Variants in UBE2Q1 observed in about 807,000 individuals in gnomAD.
UBE2Q1 encodes ubiquitin conjugating enzyme E2 Q1.
Under a neutral mutation model 60.1 loss-of-function variants are expected in UBE2Q1, and 6 were observed. That is an observed-to-expected ratio of 0.10 (90% CI 0.05 to 0.20). UBE2Q1 has a LOEUF of 0.20. Ranked by LOEUF, UBE2Q1 falls within the 10% of genes least tolerant of loss-of-function variation. The pLI is 1.00. For synonymous variants in UBE2Q1, 226 were observed against 208.3 expected (o/e 1.09, Z -0.73); for missense variants, 262 against 525.8 (o/e 0.50, Z 4.91).
At chr1:154,555,621 C>A in intron 2 of UBE2Q1, 89 bp from the exon 3 acceptor site, 2 of 1,266,790 alleles carry the variant, frequency 1.6e-6, no homozygotes, top group Non-Finnish European at 2.3e-6. Flanking sequence ...GGGCCCCACA[C>A]CAATAACTAG....
At chr1:154,557,044 G>A (rs911834768) in intron 1 of UBE2Q1, among the ~76,000 whole-genome samples, 9 of 152,184 alleles carry the variant, frequency 5.9e-5, no homozygotes, top group African/African-American at 2.2e-4. Flanking sequence ...CTTTCTAGCA[G>A]GAAAAAAGAA....
rs1436891417 is a variant in UBE2Q1, at chr1:154,550,362, G to A, written c.*76C>T. On this transcript the variant is annotated 3_prime_UTR_variant, in exon 13 of 13. Coordinates refer to ENST00000292211, the MANE Select transcript of UBE2Q1 (RefSeq NM_017582.7). ...TGAGGGAGGGAACCACAGAGGCAGC[G>A]TGAGATCCAAATACAGCATTCAAAG... is the stretch of plus-strand genomic sequence containing the variant. 1.4e-5 allele frequency: 23 copies of A among 1,588,456 alleles called. No individual in the cohort carries two copies. The highest frequency in any genetic ancestry group is 9.0e-5 in the East Asian group (4 of 44,682).
In UBE2Q1 at chr1:154,555,408, G is replaced by A. The variant is rs189765058; in HGVS notation, c.537+20C>T. 2.4e-5 allele frequency: 39 copies of A among 1,609,708 alleles called. No individual in the cohort carries two copies. The East Asian group carries it at 6.0e-4, about 25-fold the overall frequency. ...GGGGCAACTCTGCACAACAGGGCCC[G>A]AGGCTCCTCAGCTGCTCACCTGCTC... is the stretch of plus-strand genomic sequence containing the variant. On this transcript the variant is annotated intron_variant, in intron 3 of 12. Coordinates refer to ENST00000292211, the MANE Select transcript of UBE2Q1 (RefSeq NM_017582.7).
At chr1:154,554,889 T>C in intron 3 of UBE2Q1, 104 bp from the exon 4 acceptor site, 1 of 1,163,178 alleles carries the variant, frequency 8.6e-7, no homozygotes, top group Non-Finnish European at 1.2e-6. Context: ...GTTGTGCGCC[T>C]GCCTGTAATG....
chr1:154,556,438 T>C (rs947111015), intron 1 of UBE2Q1, among the ~76,000 whole-genome samples: 7 of 152,092 alleles, frequency 4.6e-5, no homozygotes, highest in African/African-American at 1.4e-4. Context: ...GGAAGAAGTA[T>C]AAAAACTAGA....
chr1:154,555,315 G>A, intron 3 of UBE2Q1, 113 bp downstream of exon 3: 2 of 898,900 alleles, frequency 2.2e-6, no homozygotes, highest in Non-Finnish European at 3.6e-6. Context: ...AGACGTGTAT[G>A]TTTTTGGGAG....
chr1:154,558,160 C>G (rs996993870), intron 1 of UBE2Q1, 67 bp downstream of exon 1: 7 of 1,350,880 alleles, frequency 5.2e-6, no homozygotes, highest in Non-Finnish European at 2.0e-6. Flanking sequence ...GAGCAAAAAG[C>G]TGGATGGAGT....
rs1695936135 is a variant in UBE2Q1 at position 154,558,570 on chromosome 1, C to T, written c.-17G>A. ...CTGCTGCATCCTCCGCTCCGCTCCG[C>T]TCCGGGGCCGGCGGGCCGGGAGCCT... On this transcript the variant is annotated 5_prime_UTR_variant, in exon 1 of 13. Transcript: ENST00000292211. 1 of 1,031,640 alleles carries T rather than the reference C, an allele frequency of 9.7e-7. No individual in the cohort carries two copies. The highest frequency in any genetic ancestry group is 1.2e-6 in the Non-Finnish European group (1 of 864,636). 63.9% of individuals were successfully genotyped at this position (1,031,640 alleles called of 1,614,324 possible). A position where few individuals can be genotyped will look rare whatever the true frequency, so the allele number is the denominator to read the frequency against.
At chr1:154,552,672 C>A in intron 6 of UBE2Q1, 64 bp downstream of exon 6, 2 of 1,573,352 alleles carry the variant, frequency 1.3e-6, no homozygotes, top group Non-Finnish European at 1.7e-6. Context: ...CTCTTGGGCC[C>A]CTTGCCACCA....
Position 154,550,468 on chromosome 1 carries a change from G to C in UBE2Q1, c.1239C>G (p.Gly413=), listed in dbSNP as rs1695774876. The C allele has an allele frequency of 1.2e-6, 2 of 1,613,972 alleles. No homozygotes were observed. Among genetic ancestry groups the C allele is most frequent in the East Asian group, 4.5e-5 (2 of 44,888 alleles). Residue 413 remains glycine, a splice_region_variant and synonymous_variant, in exon 13 of 13, where the codon GGC becomes GGG. Transcript: ENST00000292211. Reference sequence around the variant, plus strand: ...CGTCTTCTTTTGGGGGTGTGTACCAGCCTGCAAAGAAATGGAATGGTCAGT... The same window carrying C: ...CGTCTTCTTTTGGGGGTGTGTACCACCCTGCAAAGAAATGGAATGGTCAGT... ...KSLVQIHEKN[G]WYTPPKEDG
At chr1:154,551,182 T>C in intron 11 of UBE2Q1, 178 bp from the exon 12 acceptor site, 1 of 872,028 alleles carries the variant, frequency 1.1e-6, no homozygotes, top group Non-Finnish European at 1.8e-6. Context: ...ATAGTCTTCC[T>C]TTTCCAGACC....
At chr1:154,557,957 T>C (rs1695921288) in intron 1 of UBE2Q1, among the ~76,000 whole-genome samples, 1 of 151,930 alleles carries the variant, frequency 6.6e-6, no homozygotes, top group African/African-American at 2.4e-5. Context: ...AGAGCCAAAA[T>C]CATGAACCTT....
rs1368474569 is a variant in UBE2Q1, at chr1:154,549,466, T to C, written c.*972A>G. Reference sequence around the variant, plus strand: ...AAGAGAGAGGGAGGTGAGCAAAGCTTACCAATGATCACCATCCAGTGCTGG... The same window carrying C: ...AAGAGAGAGGGAGGTGAGCAAAGCTCACCAATGATCACCATCCAGTGCTGG... On this transcript the variant is annotated 3_prime_UTR_variant, in exon 13 of 13. Coordinates refer to ENST00000292211, the MANE Select transcript of UBE2Q1 (RefSeq NM_017582.7). 6.6e-6 allele frequency: 1 copy of C among 152,582 alleles called. No homozygotes were observed. The highest frequency in any genetic ancestry group is 1.5e-5 in the Non-Finnish European group (1 of 68,060). 9.5% of individuals were successfully genotyped at this position (152,582 alleles called of 1,614,324 possible).
intron 7 of UBE2Q1, 39 bp downstream of exon 7, chr1:154,552,365 C>T: frequency 2.5e-6 from 4 of 1,612,704 alleles, no homozygotes; most frequent in Non-Finnish European, 3.4e-6. Flanking sequence ...ACTCACACTC[C>T]TCCTCAACTT....
Position 154,558,578 on chromosome 1 carries a change from C to G in UBE2Q1, c.-25G>C, listed in dbSNP as rs1373608690. 3 of 1,017,582 alleles carry G rather than the reference C, an allele frequency of 2.9e-6. No individual in the cohort carries two copies. The highest frequency in any genetic ancestry group is 1.8e-5 in the African/African-American group (1 of 56,936). 63.0% of individuals were successfully genotyped at this position (1,017,582 alleles called of 1,614,324 possible). The stretch of plus-strand genomic sequence containing the variant: ...TCCTCCGCTCCGCTCCGCTCCGGGG[C>G]CGGCGGGCCGGGAGCCTCCGGCCTG... On this transcript the variant is annotated 5_prime_UTR_variant, in exon 1 of 13. Coordinates refer to ENST00000292211, the MANE Select transcript of UBE2Q1 (RefSeq NM_017582.7).
At chr1:154,551,160 A>C in intron 11 of UBE2Q1, 156 bp from the exon 12 acceptor site, 1 of 941,356 alleles carries the variant, frequency 1.1e-6, no homozygotes, top group East Asian at 2.4e-5. Context: ...GGTCCCTTGG[A>C]GGCATAATCC....
chr1:154,554,169 T>C (rs1695843567), intron 4 of UBE2Q1, among the ~76,000 whole-genome samples: 1 of 152,208 alleles, frequency 6.6e-6, no homozygotes, highest in African/African-American at 2.4e-5. Flanking sequence ...AAGCTGAGTC[T>C]AGTGAGGTCA....
In UBE2Q1 at chr1:154,555,884, C is replaced by T. The variant is rs754761236; in HGVS notation, c.408G>A (p.Val136=). 6.2e-7 allele frequency: 1 copy of T among 1,614,112 alleles called. No homozygotes were observed. Among genetic ancestry groups the T allele is most frequent in the South Asian group, 1.1e-5 (1 of 91,082 alleles). The part of the protein sequence containing the change: ...PNLAAVLERL[V]DIKKGNTLLL... ...CCAGAGTATTCCCTTTCTTTATGTC[C>T]ACCAGCCTCTCCAAGACAGCAGCCA... is the stretch of plus-strand genomic sequence containing the variant. Residue 136 remains valine, a synonymous_variant, in exon 2 of 13, where the codon GTG becomes GTA. Transcript: ENST00000292211.
In UBE2Q1 at chr1:154,550,099, T is replaced by C. The variant is rs1487511857; in HGVS notation, c.*339A>G. 3 of 272,374 alleles carry C rather than the reference T, an allele frequency of 1.1e-5. No homozygotes were observed. Among genetic ancestry groups the C allele is most frequent in the Middle Eastern group, 2.1e-3 (2 of 956 alleles). 16.9% of individuals were successfully genotyped at this position (272,374 alleles called of 1,614,324 possible). On this transcript the variant is annotated 3_prime_UTR_variant, in exon 13 of 13. Coordinates refer to ENST00000292211, the MANE Select transcript of UBE2Q1 (RefSeq NM_017582.7). ...GAAATAAGAGAAAATAAATTAAAAA[T>C]CCATAGCATAGGTAAGGAGGCTCTA...
Sources: allele counts gnomAD v4.1 joint callset (sites outside exome capture counted in the v4.1 genomes callset), GRCh38; gene constraint gnomAD v4.1.1; transcripts MANE v1.5; gene names NCBI Gene and HGNC (gene_info 2026-07-23, HGNC 2026-07-21).